Variants in LRP1B observed in about 807,000 individuals in gnomAD.
The protein encoded by LRP1B is low-density lipoprotein receptor-related protein 1B.
In LRP1B, 217 loss-of-function variants were observed where a neutral mutation model predicts 556.6. That is an observed-to-expected ratio of 0.39 (90% CI 0.35 to 0.44). The LOEUF is 0.44. Ranked by LOEUF, LRP1B falls within the 20% of genes least tolerant of loss-of-function variation. The pLI is 1.00. For synonymous variants in LRP1B, 2,047 were observed against 1,865.8 expected (o/e 1.10, Z -2.50); for missense variants, 5,053 against 5,620.8 (o/e 0.90, Z 3.23).
chr2:141,207,728 C>T (rs558013115), intron 6 of LRP1B, among the ~76,000 whole-genome samples: 6 of 152,168 alleles, frequency 3.9e-5, no homozygotes, highest in East Asian at 1.9e-4. Flanking sequence ...CAGACTGGAG[C>T]GCAATGGTGC....
chr2:140,636,784 A>G (rs1684084381), intron 41 of LRP1B, among the ~76,000 whole-genome samples: 2 of 152,182 alleles, frequency 1.3e-5, no homozygotes, highest in South Asian at 4.1e-4. Context: ...CAGTTTAAGA[A>G]GCTAAAGTTC....
intron 27 of LRP1B, among the ~76,000 whole-genome samples, chr2:140,865,909 C>T (rs1692935118): frequency 6.6e-6 from 1 of 151,988 alleles, no homozygotes; most frequent in Non-Finnish European, 1.5e-5. Flanking sequence ...GCATAAATAT[C>T]AGGAAAGCTT....
intron 74 of LRP1B, 123 bp downstream of exon 74, chr2:140,357,856 A>G (rs1263467917): frequency 8.9e-7 from 1 of 1,120,552 alleles, no homozygotes; most frequent in East Asian, 2.4e-5. Flanking sequence ...AAGGTTTTTG[A>G]AAAAGGGCAT....
chr2:140,615,089 G>GT (rs1354618321), intron 41 of LRP1B, among the ~76,000 whole-genome samples: 1 of 152,116 alleles, frequency 6.6e-6, no homozygotes, highest in Admixed American at 6.6e-5. Context: ...ACAGAGTTAT[G>GT]TAACAGAGGC....
At chr2:140,657,093 A>G (rs1296116684) in intron 41 of LRP1B, among the ~76,000 whole-genome samples, 1 of 152,142 alleles carries the variant, frequency 6.6e-6, no homozygotes, top group Admixed American at 6.5e-5. Context: ...ATATAATAGT[A>G]CTGATAGGCA....
chr2:141,969,392 C>T (rs1701659020), intron 1 of LRP1B, among the ~76,000 whole-genome samples: 1 of 151,410 alleles, frequency 6.6e-6, no homozygotes, highest in East Asian at 1.9e-4. Context: ...TGAGCAGCAT[C>T]ATCTTTCCAT....
chr2:141,185,103 A>T (rs1325089240), intron 7 of LRP1B, among the ~76,000 whole-genome samples: 1 of 152,086 alleles, frequency 6.6e-6, no homozygotes, highest in Non-Finnish European at 1.5e-5. Context: ...GAAACTTCAC[A>T]TATTCCACAA....
chr2:140,823,958 A>G (rs1429329), intron 31 of LRP1B, among the ~76,000 whole-genome samples: 129,586 of 151,756 alleles, frequency 0.85, 55,996 homozygotes, highest in East Asian at 0.99. Context: ...GGAAGAGGGT[A>G]GGAGAGGAGC....
At chr2:140,989,430 A>G (rs2105352306) in intron 17 of LRP1B, 102 bp downstream of exon 17, 1 of 1,241,232 alleles carries the variant, frequency 8.1e-7, no homozygotes, top group South Asian at 1.3e-5. Flanking sequence ...TAATCAGATC[A>G]TCAGCACTAG....
chr2:140,399,051 G>A (rs1329185107), intron 66 of LRP1B, among the ~76,000 whole-genome samples: 4 of 152,042 alleles, frequency 2.6e-5, no homozygotes, highest in Admixed American at 1.3e-4. Context: ...TAATGAGTCC[G>A]ATTGAATAAA....
At chr2:141,663,561 C>T (rs1345770595) in intron 2 of LRP1B, among the ~76,000 whole-genome samples, 1 of 152,160 alleles carries the variant, frequency 6.6e-6, no homozygotes, top group Non-Finnish European at 1.5e-5. Context: ...CTATAAACAC[C>T]TCTATGCACA....
At chr2:141,214,553 A>T (rs1298322977) in intron 6 of LRP1B, among the ~76,000 whole-genome samples, 1 of 152,216 alleles carries the variant, frequency 6.6e-6, no homozygotes, top group Non-Finnish European at 1.5e-5. Context: ...TAAAGGGTTA[A>T]AAGTCTGCAC....
intron 1 of LRP1B, among the ~76,000 whole-genome samples, chr2:142,115,592 TTATATATGTAATATATATTATA>T (rs1707193596): frequency 4.8e-5 from 1 of 20,650 alleles, no homozygotes; most frequent in Non-Finnish European, 1.0e-4. Context: ...AATATATATA[TTATATATGTAATATATATTATA>T]TATATGTAAT....
chr2:140,952,037 GTTCTC>G (rs1357055849), intron 18 of LRP1B, 97 bp from the exon 19 acceptor site: 7 of 850,824 alleles, frequency 8.2e-6, no homozygotes, highest in Admixed American at 2.0e-5. Context: ...CTCCTTCCCT[GTTCTC>G]TACAAAGGCA....
chr2:140,525,111 T>C (rs569820005), intron 49 of LRP1B, among the ~76,000 whole-genome samples: 41 of 151,998 alleles, frequency 2.7e-4, no homozygotes, highest in South Asian at 1.2e-3. Flanking sequence ...AAAATTATTA[T>C]ATATCAACTA....
chr2:142,082,360 C>T (rs1705750357), intron 1 of LRP1B, among the ~76,000 whole-genome samples: 2 of 151,962 alleles, frequency 1.3e-5, no homozygotes, highest in Admixed American at 6.6e-5. Context: ...TGGAAGGTAA[C>T]TATTAGAAAA....
intron 89 of LRP1B, among the ~76,000 whole-genome samples, chr2:140,236,868 C>T (rs868332039): frequency 6.6e-6 from 1 of 150,876 alleles, no homozygotes; most frequent in Non-Finnish European, 1.5e-5. Flanking sequence ...TTTGCTAATA[C>T]CTCAACACAT....
chr2:141,952,127 T>G (rs1701123653), intron 1 of LRP1B, among the ~76,000 whole-genome samples: 1 of 151,896 alleles, frequency 6.6e-6, no homozygotes. Context: ...TGTGCTAGTT[T>G]GCTCAGAATG....
intron 1 of LRP1B, among the ~76,000 whole-genome samples, chr2:141,981,145 A>G (rs1574556868): frequency 6.6e-6 from 1 of 152,162 alleles, no homozygotes; most frequent in East Asian, 1.9e-4. Flanking sequence ...ATGAGAAGAG[A>G]CCATCTACTG....
Sources: gnomAD v4.1 joint callset for allele counts (sites outside exome capture counted in the v4.1 genomes callset) on GRCh38, gnomAD v4.1.1 for gene constraint, MANE v1.5 for transcripts, NCBI Gene and HGNC (gene_info 2026-07-23, HGNC 2026-07-21) for gene names.